ABCA4: variants seen among roughly 807,000 people sequenced by gnomAD.
ABCA4 encodes retinal-specific phospholipid-transporting ATPase ABCA4.
A neutral mutation model predicts 263.7 loss-of-function variants in ABCA4; 196 were observed. The ratio of observed to expected loss-of-function variants is 0.74; its 90% CI spans 0.66 to 0.84. The LOEUF is 0.84. ABCA4 is among the 40% of genes least tolerant of loss of function. The pLI is 0.00. For synonymous variants in ABCA4, 1,133 were observed against 1,094.2 expected, an observed-to-expected ratio of 1.04 and a Z score of -0.70; for missense variants, 2,792 against 2,855.1, an observed-to-expected ratio of 0.98 and a Z score of 0.50.
intron 19 of ABCA4, 76 bp from the exon 20 acceptor site, chr1:94,044,820 G>A: frequency 3.1e-6 from 5 of 1,607,090 alleles, no homozygotes; most frequent in Non-Finnish European, 4.3e-6. Flanking sequence ...CCCACACCAG[G>A]TTCAGTGAGA....
intron 1 of ABCA4, among the ~76,000 whole-genome samples, chr1:94,116,960 CTTTCTTTCTCTTT>C (rs1662783992): frequency 2.5e-5 from 3 of 119,126 alleles, no homozygotes; most frequent in South Asian, 7.3e-4. Flanking sequence ...TCCCTCCTTT[CTTTCTTTCTCTTT>C]CTTTCTTTCT....
chr1:94,001,487 G>A, intron 45 of ABCA4: 2 of 527,602 alleles, frequency 3.8e-6, no homozygotes, highest in South Asian at 3.5e-5. Flanking sequence ...GCGTGGGCAT[G>A]GCCTCAGGCC....
intron 47 of ABCA4, among the ~76,000 whole-genome samples, chr1:94,000,627 C>T (rs1033806852): frequency 2.0e-5 from 3 of 152,094 alleles, no homozygotes; most frequent in African/African-American, 4.8e-5. Flanking sequence ...GGCGAGTCTT[C>T]GACCACAGGA....
chr1:94,114,892 G>A (rs963150833), intron 1 of ABCA4, among the ~76,000 whole-genome samples: 8 of 152,206 alleles, frequency 5.3e-5, no homozygotes, highest in African/African-American at 1.4e-4. Flanking sequence ...AACCTCATCT[G>A]TCGTTGTCAC....
rs1468230381 is a variant in ABCA4, at chr1:94,032,135, T to G, written c.3863-92A>C. 4.0e-6 allele frequency: 6 copies of G among 1,485,852 alleles called. No individual in the cohort carries two copies. In the South Asian group the frequency reaches 5.7e-5, roughly 14 times the overall value. The allele number at this position is 1,485,852 out of a possible 1,614,324, so 92.0% of individuals were successfully genotyped here. ...TTTTTTTCCCTTACAGCATTGATTT[T>G]CCTCTTCATTTAAGTCAGCAATGAA... On this transcript the variant is annotated intron_variant, in intron 26 of 49. Coordinates refer to ENST00000370225, the MANE Select transcript of ABCA4 (RefSeq NM_000350.3).
chr1:94,024,985 C>T lies in ABCA4; in HGVS notation c.4603G>A (p.Val1535Ile). 2 of 1,614,170 alleles carry T rather than the reference C, an allele frequency of 1.2e-6. No individual in the cohort carries two copies. The highest frequency in any genetic ancestry group is 2.2e-5 in the East Asian group (1 of 44,876). Residue 1535 changes from valine (V) to isoleucine (I), a missense_variant, in exon 31 of 50, where the codon GTA becomes ATA. Physicochemically the swap from Val to Ile is conservative, Grantham distance 29. Transcript: ENST00000370225. ...CTTATAAGAGCAGGATACGTTTTTA[C>T]CAAGAAGTCGGAGATGTTCCTGTCC... Reference protein sequence around the residue: ...LTDRNISDFLVKTYPALIRSS... With the variant: ...LTDRNISDFLIKTYPALIRSS...
At chr1:94,030,973 A>G (rs1224696275) in intron 28 of ABCA4, 23 bp downstream of exon 28, 1 of 1,613,802 alleles carries the variant, frequency 6.2e-7, no homozygotes, top group South Asian at 1.1e-5. Flanking sequence ...ACAGAGGAGA[A>G]TGGTGACCCC....
At chr1:93,997,518 C>A (rs1659039929) in intron 48 of ABCA4, among the ~76,000 whole-genome samples, 2 of 151,714 alleles carry the variant, frequency 1.3e-5, no homozygotes, top group African/African-American at 4.9e-5. Flanking sequence ...GATCCTCCTG[C>A]CTTGGCCTCC....
intron 11 of ABCA4, among the ~76,000 whole-genome samples, 184 bp downstream of exon 11, chr1:94,077,506 A>G (rs535089290): frequency 1.3e-3 from 193 of 152,348 alleles, no homozygotes; most frequent in African/African-American, 4.5e-3. Context: ...TTCAGCATAG[A>G]TAAGTTTTAA....
Position 94,000,880 on chromosome 1 carries a change from C to A in ABCA4, c.6435G>T (p.Lys2145Asn), listed in dbSNP as rs898249950. Residue 2145 changes from lysine to asparagine, a missense_variant, in exon 47 of 50, where the codon AAG (lysine) becomes AAT (asparagine). By Grantham distance (94) the Lys-to-Asn change is moderately conservative. Coordinates refer to ENST00000370225, the MANE Select transcript of ABCA4 (RefSeq NM_000350.3). The stretch of plus-strand genomic sequence containing the variant: ...TGGTGCCCATACATCGAAAGGCGCC[C>A]TTTACCATGATGGCCAGCCGGGTAC... ...ALCTRLAIMV[K>N]GAFRCMGTIQ... is the part of the protein sequence containing the mutation. 1.9e-6 allele frequency: 3 copies of A among 1,614,094 alleles called. No homozygotes were observed. The highest frequency in any genetic ancestry group is 2.7e-5 in the African/African-American group (2 of 74,926).
rs1227327955 is a variant in ABCA4 at position 93,993,100 on chromosome 1, C to T, written c.*137G>A. 6 of 1,160,116 alleles carry T rather than the reference C, an allele frequency of 5.2e-6. No homozygotes were observed. In the East Asian group the frequency reaches 1.5e-4, roughly 28 times the overall value. 71.9% of individuals were successfully genotyped at this position (1,160,116 alleles called of 1,614,324 possible). A position where few individuals can be genotyped will look rare whatever the true frequency, so the allele number is the denominator to read the frequency against. ...CCTCTTTCTGAATTCGCTGCATGCT[C>T]CTCGTGTGTTTGTTTTCTGCTGCAG... On this transcript the variant is annotated 3_prime_UTR_variant, in exon 50 of 50. Transcript: ENST00000370225.
Position 94,079,189 on chromosome 1 carries a change from G to C in ABCA4, c.1239+133C>G, listed in dbSNP as rs376406190. 6 of 1,336,360 alleles carry C rather than the reference G, an allele frequency of 4.5e-6. No homozygotes were observed. In the East Asian group the frequency reaches 7.0e-5, roughly 16 times the overall value. The allele number at this position is 1,336,360 out of a possible 1,614,324, so 82.8% of individuals were successfully genotyped here. On this transcript the variant is annotated intron_variant, in intron 9 of 49. Transcript: ENST00000370225. ...GATGACTGTGGATGGGGGAGGAAAC[G>C]CAAGAGTCCACTTAGCAAAAAACAA...
Position 94,044,735 on chromosome 1 carries a change from C to G in ABCA4, c.2928G>C (p.Leu976=). 6.2e-7 allele frequency: 1 copy of G among 1,614,220 alleles called. No homozygotes were observed. Among genetic ancestry groups the G allele is most frequent in the Non-Finnish European group, 8.5e-7 (1 of 1,180,036 alleles). ...GAGKTTTLSI[L]TGLLPPTSGT... ...CAGAGGTTGGTGGCAACAGACCCGT[C>G]AGGATGGACCTGCAGAACACAGGCG... Residue 976 remains leucine, a synonymous_variant, in exon 20 of 50, where the codon CTG becomes CTC. Transcript: ENST00000370225.
intron 44 of ABCA4, among the ~76,000 whole-genome samples, chr1:94,003,445 C>G (rs1004116855): frequency 1.3e-5 from 2 of 151,134 alleles, no homozygotes; most frequent in African/African-American, 4.9e-5. Context: ...AATCTGGATT[C>G]TACATAAGTG....
At chr1:94,060,421 G>A in intron 14 of ABCA4, 116 bp downstream of exon 14, 1 of 968,878 alleles carries the variant, frequency 1.0e-6, no homozygotes, top group South Asian at 1.4e-5. Context: ...GGGCTGGGAA[G>A]CTAGATGTCA....
At chr1:94,039,703 G>A (rs1013768069) in intron 24 of ABCA4, among the ~76,000 whole-genome samples, 4 of 152,196 alleles carry the variant, frequency 2.6e-5, no homozygotes, top group South Asian at 2.1e-4. Context: ...AGGGCGCCAC[G>A]GCACACATGT....
chr1:94,104,321 A>G (rs1438965213), intron 4 of ABCA4, among the ~76,000 whole-genome samples: 1 of 152,202 alleles, frequency 6.6e-6, no homozygotes, highest in Non-Finnish European at 1.5e-5. Context: ...CTTCAGGGGC[A>G]TGGGTGACTG....
intron 20 of ABCA4, 86 bp downstream of exon 20, chr1:94,044,527 C>T: frequency 1.2e-6 from 2 of 1,604,280 alleles, no homozygotes; most frequent in Non-Finnish European, 1.7e-6. Flanking sequence ...CCAGGCCTGG[C>T]ACCCCTGAGC....
chr1:94,024,642 C>T (rs1659987825), intron 31 of ABCA4, among the ~76,000 whole-genome samples: 1 of 152,138 alleles, frequency 6.6e-6, no homozygotes, highest in East Asian at 1.9e-4. Flanking sequence ...AAATATGTGG[C>T]TGCATTTTTG....
Sources: allele counts gnomAD v4.1 joint callset (sites outside exome capture counted in the v4.1 genomes callset), GRCh38; gene constraint gnomAD v4.1.1; transcripts MANE v1.5; gene names NCBI Gene and HGNC (gene_info 2026-07-23, HGNC 2026-07-21).